The following RIPK1 variants were observed in gnomAD, a reference collection of about 807,000 sequenced individuals.
The protein encoded by RIPK1 is receptor-interacting serine/threonine-protein kinase 1.
In RIPK1, 27 loss-of-function variants were observed where a neutral mutation model predicts 62.4. That is an observed-to-expected ratio of 0.43 (90% confidence interval 0.32 to 0.60). The LOEUF (loss-of-function observed/expected upper bound fraction) is 0.60, where lower values mean the gene tolerates loss of function less well. Among genes scored for constraint, RIPK1 ranks in the 20% least tolerant of loss-of-function variants. The probability of loss-of-function intolerance (pLI) is 0.07; values close to 1 mark genes in which losing one functional copy is unlikely to be tolerated. For synonymous variants in RIPK1, 287 were observed against 303.2 expected (o/e 0.95, Z 0.55); for missense variants, 735 against 831.0 (o/e 0.88, Z 1.42).
intron 2 of RIPK1, 98 bp from the exon 3 acceptor site, chr6:3,077,681 A>C (rs925031487): frequency 3.6e-5 from 49 of 1,359,874 alleles, no homozygotes; most frequent in Non-Finnish European, 4.8e-5. Flanking sequence ...AGACCCAAGC[A>C]TGACCCCAGC....
intron 7 of RIPK1, among the ~76,000 whole-genome samples, chr6:3,100,995 T>G (rs1714235131): frequency 6.6e-6 from 1 of 152,084 alleles, no homozygotes; most frequent in South Asian, 2.1e-4. Context: ...CAAAAATACT[T>G]TTCATATTAG....
intron 9 of RIPK1, 72 bp downstream of exon 9, chr6:3,106,123 T>C (rs1262505946): frequency 3.2e-5 from 37 of 1,149,480 alleles, no homozygotes; most frequent in Non-Finnish European, 4.6e-5. Context: ...CAAGCAGCTC[T>C]ATTATAGATT....
chr6:3,100,840 G>A (rs1399004033), intron 7 of RIPK1, among the ~76,000 whole-genome samples: 3 of 152,038 alleles, frequency 2.0e-5, no homozygotes, highest in South Asian at 2.1e-4. Flanking sequence ...CGATCTGCTC[G>A]CCTCGGCCTC....
chr6:3,106,075 A>G, intron 9 of RIPK1, 24 bp downstream of exon 9: 2 of 1,496,544 alleles, frequency 1.3e-6, no homozygotes, highest in East Asian at 4.6e-5. Context: ...CGATAGTCAC[A>G]AGCTTGTCTT....
intron 7 of RIPK1, among the ~76,000 whole-genome samples, chr6:3,096,124 CA>C (rs1760277726): frequency 1.3e-5 from 2 of 152,210 alleles, no homozygotes. Flanking sequence ...AGGCATGAGC[CA>C]CTGTGTCCAG....
intron 7 of RIPK1, among the ~76,000 whole-genome samples, chr6:3,094,345 C>T (rs953792839): frequency 1.3e-5 from 2 of 152,120 alleles, no homozygotes; most frequent in Admixed American, 6.5e-5. Context: ...ATAAAAATGT[C>T]CTCTGAGTAT....
intron 7 of RIPK1, among the ~76,000 whole-genome samples, chr6:3,095,847 T>C (rs1226397962): frequency 2.3e-5 from 1 of 42,688 alleles, no homozygotes; most frequent in African/African-American, 5.6e-5. Context: ...GTTAACAGCC[T>C]TTTTTTTTTT....
chr6:3,095,688 A>G (rs565858253), intron 7 of RIPK1, among the ~76,000 whole-genome samples: 2 of 152,360 alleles, frequency 1.3e-5, no homozygotes, highest in East Asian at 1.9e-4. Context: ...AGAAAAAGAT[A>G]TATCTTTTCA....
chr6:3,104,462 C>T (rs10498658), intron 8 of RIPK1, 147 bp downstream of exon 8: 107,349 of 568,022 alleles, frequency 0.19, 12,350 homozygotes, highest in Non-Finnish European at 0.25. Flanking sequence ...TAATAATATT[C>T]GAGAGTCAAG....
At chr6:3,074,467 C>T (rs1758946806) in intron 1 of RIPK1, among the ~76,000 whole-genome samples, 1 of 152,102 alleles carries the variant, frequency 6.6e-6, no homozygotes, top group African/African-American at 2.4e-5. Context: ...CAGTTTGGAG[C>T]TATTATAAAT....
chr6:3,110,141 A>G (rs549384147), intron 9 of RIPK1, among the ~76,000 whole-genome samples: 1 of 151,378 alleles, frequency 6.6e-6, no homozygotes, highest in African/African-American at 2.4e-5. Flanking sequence ...TTGGGTATAT[A>G]CTCAGAAACG....
chr6:3,069,286 A>G (rs1758565904), intron 1 of RIPK1, among the ~76,000 whole-genome samples: 2 of 152,244 alleles, frequency 1.3e-5, no homozygotes, highest in Admixed American at 6.5e-5. Flanking sequence ...TTCCAAAAAC[A>G]AAAGCATTTC....
chr6:3,067,879 A>G (rs1758455099), upstream of RIPK1, among the ~76,000 whole-genome samples: 1 of 151,770 alleles, frequency 6.6e-6, no homozygotes, highest in Admixed American at 6.6e-5. Context: ...AGTAGCTGGG[A>G]TTGCTGGTGC....
At chr6:3,111,532 A>G (rs1271512344) in intron 10 of RIPK1, among the ~76,000 whole-genome samples, 1 of 151,442 alleles carries the variant, frequency 6.6e-6, no homozygotes, top group African/African-American at 2.4e-5. Flanking sequence ...TTTTTCTGTA[A>G]AGGAACCAAT....
intron 4 of RIPK1, 75 bp from the exon 5 acceptor site, chr6:3,083,010 C>A: frequency 6.9e-7 from 1 of 1,457,962 alleles, no homozygotes. Context: ...AATGGATAAG[C>A]CCAAAATTGA....
rs1758788867 is a variant in RIPK1 at position 3,072,677 on chromosome 6, A to G, written c.-61+4016A>G. The stretch of plus-strand genomic sequence containing the variant: ...TTCATGAGAAATAATTCTCAATTAC[A>G]GTACTGTCTTACCTATGGAAGTGTC... On this transcript the variant is annotated intron_variant, in intron 1 of 10. Transcript: ENST00000259808. This position sits in a 1 kb window ranked among gnomAD's most constrained non-coding sequence, Gnocchi z 5.6. Among the ~76,000 whole-genome samples the G allele has an allele frequency of 6.6e-6, 1 of 152,188 alleles. No individual in the cohort carries two copies. The highest frequency in any genetic ancestry group is 1.5e-5 in the Non-Finnish European group (1 of 68,028).
At chr6:3,106,732 T>C (rs182456625) in intron 9 of RIPK1, among the ~76,000 whole-genome samples, 2 of 152,332 alleles carry the variant, frequency 1.3e-5, no homozygotes, top group Admixed American at 1.3e-4. Flanking sequence ...AAAGGCCAAA[T>C]TCTCCAAAAA....
In RIPK1 at chr6:3,110,835, A is replaced by G. The variant is rs200093245; in HGVS notation, c.1609A>G (p.Thr537Ala). 6.4e-5 allele frequency: 102 copies of G among 1,586,822 alleles called. No homozygotes were observed. The highest frequency in any genetic ancestry group is 8.0e-5 in the Non-Finnish European group (92 of 1,155,370). Residue 537 changes from threonine (T) to alanine (A), a missense_variant, in exon 10 of 11, where the codon ACT becomes GCT. Coordinates refer to ENST00000259808, the MANE Select transcript of RIPK1 (RefSeq NM_001354930.2). Reference protein sequence around the residue: ...ESIKYTIYNSTGIQIGAYNYM... With the variant: ...ESIKYTIYNSAGIQIGAYNYM... ...TATAAAATATACCATATACAATAGT[A>G]CTGGCATTCAGATTGGAGCCTACAA...
At chr6:3,071,022 G>A (rs1758684758) in intron 1 of RIPK1, among the ~76,000 whole-genome samples, 3 of 152,188 alleles carry the variant, frequency 2.0e-5, no homozygotes, top group South Asian at 4.1e-4. Context: ...TGCTTCAGGG[G>A]TTATGATGCT....
Sources: allele counts gnomAD v4.1 joint callset (sites outside exome capture counted in the v4.1 genomes callset), GRCh38; gene constraint gnomAD v4.1.1; non-coding constraint Gnocchi (gnomAD v3.1); transcripts MANE v1.5; gene names NCBI Gene and HGNC (gene_info 2026-07-23, HGNC 2026-07-21).